The following RPS6KC1 variants were observed in gnomAD, a reference collection of about 807,000 sequenced individuals.
RPS6KC1 encodes inactive ribosomal protein S6 kinase delta-1.
Under a neutral mutation model 103.8 loss-of-function variants are expected in RPS6KC1, and 54 were observed. The observed-to-expected ratio is 0.52, with a 90% confidence interval of 0.42 to 0.65. The LOEUF is 0.65. Among genes scored for constraint, RPS6KC1 ranks in the 30% least tolerant of loss-of-function variants. RPS6KC1 has a pLI of 0.00. For missense variants in RPS6KC1, 1,151 were observed against 1,253.8 expected (o/e 0.92, Z 1.24); for synonymous variants, 439 against 438.7 (o/e 1.00, Z -0.01).
At chr1:213,097,712 T>C (rs934473759) in intron 3 of RPS6KC1, among the ~76,000 whole-genome samples, 3 of 152,242 alleles carry the variant, frequency 2.0e-5, no homozygotes, top group Non-Finnish European at 4.4e-5. Flanking sequence ...TTCTTTAGTG[T>C]AGCCATCTTT....
the RPS6KC1 span, among the ~76,000 whole-genome samples, chr1:213,499,726 A>G: frequency 0.013 from 1,959 of 152,030 alleles, 79 homozygotes; most frequent in East Asian, 0.12. Context: ...TAGATGGTAT[A>G]GTCTACTACA....
At chr1:213,746,713 C>T in the RPS6KC1 span, among the ~76,000 whole-genome samples, 3 of 152,054 alleles carry the variant, frequency 2.0e-5, no homozygotes, top group Non-Finnish European at 2.9e-5. Context: ...ACACTGGAAG[C>T]AGGGCAGCAG....
the RPS6KC1 span, among the ~76,000 whole-genome samples, chr1:213,815,969 T>G: frequency 6.6e-6 from 1 of 152,178 alleles, no homozygotes; most frequent in East Asian, 1.9e-4. Context: ...GGGTTATTAT[T>G]TGGCCTAATT....
chr1:213,704,737 G>T, the RPS6KC1 span, among the ~76,000 whole-genome samples: 1 of 152,208 alleles, frequency 6.6e-6, no homozygotes, highest in Admixed American at 6.5e-5. Flanking sequence ...ATTCTTCTCA[G>T]TCTGGGTTTG....
intron 8 of RPS6KC1, among the ~76,000 whole-genome samples, chr1:213,199,442 C>T (rs145214905): frequency 1.3e-5 from 2 of 152,270 alleles, no homozygotes; most frequent in East Asian, 3.9e-4. Context: ...TGATAAAATT[C>T]AACATTTCCT....
the RPS6KC1 span, among the ~76,000 whole-genome samples, chr1:213,359,150 G>A: frequency 6.6e-6 from 1 of 152,194 alleles, no homozygotes; most frequent in Admixed American, 6.5e-5. Flanking sequence ...AATGTTGACA[G>A]TGGGGTGTTA....
intron 1 of RPS6KC1, among the ~76,000 whole-genome samples, chr1:213,067,081 G>A (rs1270253755): frequency 6.6e-6 from 1 of 152,080 alleles, no homozygotes; most frequent in Non-Finnish European, 1.5e-5. Flanking sequence ...CCCTCCCCAC[G>A]TCGAGTTGTC....
intron 3 of RPS6KC1, among the ~76,000 whole-genome samples, chr1:213,091,959 CT>C (rs34813812): frequency 3.9e-4 from 57 of 145,266 alleles, no homozygotes; most frequent in Admixed American, 5.5e-4. Context: ...CATTACATTT[CT>C]TTTTTTTTTT....
chr1:213,609,949 C>T, the RPS6KC1 span, among the ~76,000 whole-genome samples: 12 of 151,732 alleles, frequency 7.9e-5, no homozygotes, highest in African/African-American at 1.2e-4. Flanking sequence ...ATTTTATAAT[C>T]TTCTGTAAAA....
At chr1:213,419,793 A>T in the RPS6KC1 span, among the ~76,000 whole-genome samples, 1 of 152,156 alleles carries the variant, frequency 6.6e-6, no homozygotes, top group Admixed American at 6.6e-5. Flanking sequence ...AGTGAGCTGC[A>T]TGTGTCAGGG....
the RPS6KC1 span, among the ~76,000 whole-genome samples, chr1:213,779,839 A>G: frequency 6.6e-6 from 1 of 152,168 alleles, no homozygotes; most frequent in Admixed American, 6.5e-5. Flanking sequence ...CTTTTTCTCA[A>G]ATATAGAGGT....
chr1:213,165,408 T>G (rs570511489), intron 6 of RPS6KC1, among the ~76,000 whole-genome samples: 6 of 151,836 alleles, frequency 4.0e-5, no homozygotes, highest in South Asian at 4.2e-4. Flanking sequence ...TTTTGTGTGT[T>G]TTTTTTGTTG....
At chr1:213,250,369 A>C (rs2094525371) in intron 12 of RPS6KC1, among the ~76,000 whole-genome samples, 1 of 152,208 alleles carries the variant, frequency 6.6e-6, no homozygotes, top group Non-Finnish European at 1.5e-5. Context: ...CAGTTCATGT[A>C]CCCTGCTCAA....
At chr1:213,350,096 G>A in the RPS6KC1 span, among the ~76,000 whole-genome samples, 2 of 152,152 alleles carry the variant, frequency 1.3e-5, no homozygotes, top group African/African-American at 2.4e-5. Flanking sequence ...AGGATGGCAT[G>A]TTACTTCATT....
chr1:213,401,766 T>A, the RPS6KC1 span, among the ~76,000 whole-genome samples: 1 of 151,528 alleles, frequency 6.6e-6, no homozygotes. Flanking sequence ...GTGTATTTTT[T>A]ATTTTTATTT....
chr1:213,578,763 G>A, the RPS6KC1 span, among the ~76,000 whole-genome samples: 3 of 152,078 alleles, frequency 2.0e-5, no homozygotes, highest in African/African-American at 4.8e-5. Flanking sequence ...TAACTAACTT[G>A]CTTTTGATTT....
At chr1:213,643,551 G>T in the RPS6KC1 span, among the ~76,000 whole-genome samples, 12 of 151,566 alleles carry the variant, frequency 7.9e-5, no homozygotes, top group Non-Finnish European at 1.3e-4. Flanking sequence ...AAATCTTTTA[G>T]ATTGTTTTGA....
At chr1:213,121,003 G>A (rs1352889240) in intron 5 of RPS6KC1, among the ~76,000 whole-genome samples, 1 of 152,126 alleles carries the variant, frequency 6.6e-6, no homozygotes, top group South Asian at 2.1e-4. Context: ...CCCAGGCTTA[G>A]TGCAGCCTTC....
Position 213,051,312 on chromosome 1 carries a change from T to A in RPS6KC1, c.-93T>A. ...CTTGGAGCCACCGCCCCCTCGCCGC[T>A]TCGCCGCTGCGTTGGGGAACCTGGA... On this transcript the variant is annotated 5_prime_UTR_variant, in exon 1 of 15. Transcript: ENST00000366960. The A allele has an allele frequency of 3.2e-6, 3 of 926,702 alleles. No individual in the cohort carries two copies. Among genetic ancestry groups the A allele is most frequent in the Non-Finnish European group, 5.1e-6 (3 of 592,124 alleles). 57.4% of individuals were successfully genotyped at this position (926,702 alleles called of 1,614,324 possible).
Sources: gnomAD v4.1 joint callset for allele counts (sites outside exome capture counted in the v4.1 genomes callset) on GRCh38, gnomAD v4.1.1 for gene constraint, MANE v1.5 for transcripts, NCBI Gene and HGNC (gene_info 2026-07-23, HGNC 2026-07-21) for gene names.